DRICH1: variants seen among roughly 807,000 people sequenced by gnomAD.
DRICH1 encodes aspartate rich 1.
DRICH1 carries 38 observed loss-of-function variants against 39.5 expected under a neutral mutation model. That is an observed-to-expected ratio of 0.96 (90% confidence interval 0.74 to 1.26). The LOEUF (loss-of-function observed/expected upper bound fraction) is 1.26. DRICH1 is among the 50% of genes most tolerant of loss of function. DRICH1 has a pLI of 0.00. For synonymous variants in DRICH1, 84 were observed against 99.5 expected (o/e 0.84, Z 0.93); for missense variants, 279 against 270.4 (o/e 1.03, Z -0.22).
intron 6 of DRICH1, among the ~76,000 whole-genome samples, chr22:23,618,648 A>G (rs1195035581): frequency 6.6e-6 from 1 of 152,090 alleles, no homozygotes; most frequent in African/African-American, 2.4e-5. Flanking sequence ...AGCCTGCTCT[A>G]CCTGTACCAG....
intron 3 of DRICH1, among the ~76,000 whole-genome samples, chr22:23,622,911 A>T (rs1927846626): frequency 6.7e-6 from 1 of 149,760 alleles, no homozygotes; most frequent in Non-Finnish European, 1.5e-5. Flanking sequence ...GAGAGACGTG[A>T]CTCTGAACAC....
intron 1 of DRICH1, among the ~76,000 whole-genome samples, chr22:23,626,649 G>A (rs1219781764): frequency 6.6e-6 from 1 of 152,146 alleles, no homozygotes; most frequent in Admixed American, 6.5e-5. Flanking sequence ...AACTCTGCAA[G>A]AAGTTATTCC....
chr22:23,592,051 G>C, the DRICH1 span, among the ~76,000 whole-genome samples: 40,040 of 152,120 alleles, frequency 0.26, 5,316 homozygotes, highest in East Asian at 0.35. Context: ...GGTGTTTCCC[G>C]AGGCACGTCC....
chr22:23,596,085 T>C, the DRICH1 span, among the ~76,000 whole-genome samples: 1 of 152,216 alleles, frequency 6.6e-6, no homozygotes, highest in African/African-American at 2.4e-5. Context: ...ATTATCACAT[T>C]ACGTCATTTT....
intron 3 of DRICH1, among the ~76,000 whole-genome samples, chr22:23,623,159 C>T (rs963153806): frequency 2.0e-5 from 3 of 152,070 alleles, no homozygotes; most frequent in African/African-American, 7.2e-5. Flanking sequence ...AATCCCAGCA[C>T]TTTTTGGGAG....
chr22:23,584,894 T>G, the DRICH1 span, among the ~76,000 whole-genome samples: 1 of 152,118 alleles, frequency 6.6e-6, no homozygotes, highest in Non-Finnish European at 1.5e-5. Flanking sequence ...CCTCCAGGGC[T>G]CAAGGAATCC....
At chr22:23,614,537 C>G (rs73389030) in intron 8 of DRICH1, among the ~76,000 whole-genome samples, 8,183 of 152,196 alleles carry the variant, frequency 0.054, 696 homozygotes, top group African/African-American at 0.19. Flanking sequence ...TCAAAACCAA[C>G]AGGATTTTCT....
intron 5 of DRICH1, among the ~76,000 whole-genome samples, chr22:23,620,273 C>A (rs1364379327): frequency 6.6e-6 from 1 of 152,122 alleles, no homozygotes. Context: ...AGTCTTGTTG[C>A]CCACCTGGAA....
At chr22:23,588,293 A>C in the DRICH1 span, among the ~76,000 whole-genome samples, 137 of 151,902 alleles carry the variant, frequency 9.0e-4, no homozygotes, top group African/African-American at 3.1e-3. Flanking sequence ...CACCCAGCTA[A>C]TTTTTTTGTA....
intron 5 of DRICH1, 111 bp from the exon 6 acceptor site, chr22:23,619,504 T>C (rs1927583069): frequency 5.5e-6 from 4 of 723,420 alleles, no homozygotes; most frequent in East Asian, 5.3e-5. Context: ...ATTCATGAGA[T>C]TGAAATCTAC....
the DRICH1 span, among the ~76,000 whole-genome samples, chr22:23,601,537 T>C: frequency 6.6e-6 from 1 of 152,182 alleles, no homozygotes; most frequent in African/African-American, 2.4e-5. Context: ...AAATTAATAG[T>C]TGCCAGGGGC....
chr22:23,605,626 C>T (rs1926683834), downstream of DRICH1, among the ~76,000 whole-genome samples: 1 of 150,642 alleles, frequency 6.6e-6, no homozygotes, highest in African/African-American at 2.4e-5. Flanking sequence ...GCCTCCATTC[C>T]CACCCCTGCC....
the DRICH1 span, among the ~76,000 whole-genome samples, chr22:23,595,104 G>A: frequency 2.7e-5 from 4 of 147,124 alleles, no homozygotes; most frequent in Non-Finnish European, 6.0e-5. Flanking sequence ...CCTGTCCTGT[G>A]GGTGGAGGGT....
At chr22:23,631,742 G>A (rs947803438) in intron 1 of DRICH1, 74 bp downstream of exon 1, 2 of 1,209,492 alleles carry the variant, frequency 1.7e-6, no homozygotes, top group Non-Finnish European at 2.4e-6. Context: ...TGTCTCTGGG[G>A]ATGAGGGTAA....
intron 4 of DRICH1, 50 bp downstream of exon 4, chr22:23,622,041 C>G: frequency 6.3e-7 from 1 of 1,588,528 alleles, no homozygotes. Context: ...GTTTGTTTCT[C>G]ACATCAGAAA....
intron 8 of DRICH1, among the ~76,000 whole-genome samples, chr22:23,616,475 T>TATA (rs1927354052): frequency 6.6e-6 from 1 of 152,162 alleles, no homozygotes; most frequent in Non-Finnish European, 1.5e-5. Flanking sequence ...AAGCAGCAGG[T>TATA]ATAACATGAA....
At chr22:23,595,545 C>A in the DRICH1 span, among the ~76,000 whole-genome samples, 11,175 of 152,120 alleles carry the variant, frequency 0.073, 435 homozygotes, top group East Asian at 0.16. Flanking sequence ...TGCCTAGTTG[C>A]CTCTGAAAAT....
At chr22:23,621,588 A>G (rs1014144585) in intron 4 of DRICH1, among the ~76,000 whole-genome samples, 1 of 149,590 alleles carries the variant, frequency 6.7e-6, no homozygotes, top group Non-Finnish European at 1.5e-5. Flanking sequence ...AAGGTACCGG[A>G]TCTTGCAAGA....
At chr22:23,612,852 G>A (rs928483811) in intron 11 of DRICH1, among the ~76,000 whole-genome samples, 1 of 152,208 alleles carries the variant, frequency 6.6e-6, no homozygotes, top group Non-Finnish European at 1.5e-5. Context: ...TTCAGAGGGT[G>A]ATTCTCGATT....
Sources: allele counts gnomAD v4.1 joint callset (sites outside exome capture counted in the v4.1 genomes callset), GRCh38; gene constraint gnomAD v4.1.1; transcripts MANE v1.5; gene names NCBI Gene and HGNC (gene_info 2026-07-23, HGNC 2026-07-21).